The following DMD variants were observed in gnomAD, a reference collection of about 807,000 sequenced individuals.
DMD encodes dystrophin, also known as mutant dystrophin.
DMD carries 63 observed loss-of-function variants against 330.1 expected under a neutral mutation model. The observed-to-expected ratio is 0.19, with a 90% CI of 0.16 to 0.24. The LOEUF is 0.24. Ranked by LOEUF, DMD falls within the 10% of genes least tolerant of loss-of-function variation. The probability of loss-of-function intolerance (pLI) is 1.00; values close to 1 mark genes in which losing one functional copy is unlikely to be tolerated. For missense variants in DMD, 3,344 were observed against 2,684.1 expected (o/e 1.25, Z -5.43); for synonymous variants, 1,223 against 959.8 (o/e 1.27, Z -5.07).
At chrX:32,672,028 A>G (rs780799371) in intron 9 of DMD, among the ~76,000 whole-genome samples, 4 of 111,662 alleles carry the variant, frequency 3.6e-5, no homozygotes, top group Admixed American at 1.9e-4. Context: ...CACATTCTGA[A>G]AGCCAATTTG....
intron 2 of DMD, among the ~76,000 whole-genome samples, chrX:32,855,461 A>C (rs2149049123): frequency 8.9e-6 from 1 of 112,206 alleles, no homozygotes; most frequent in Admixed American, 9.4e-5. Flanking sequence ...ATGGCATAAA[A>C]ACAGACACAT....
chrX:31,282,687 G>A (rs1355408549), intron 62 of DMD, among the ~76,000 whole-genome samples: 1 of 111,559 alleles, frequency 9.0e-6, no homozygotes, highest in Non-Finnish European at 1.9e-5. Flanking sequence ...ACAATCAAAG[G>A]AATTTTGTGT....
intron 77 of DMD, among the ~76,000 whole-genome samples, chrX:31,128,914 T>C (rs1430066126): frequency 8.9e-6 from 1 of 112,544 alleles, no homozygotes; most frequent in East Asian, 2.8e-4. Flanking sequence ...GGCTACTTGA[T>C]TACAACATTT....
At chrX:32,646,119 G>A (rs1046042141) in intron 9 of DMD, among the ~76,000 whole-genome samples, 2 of 111,610 alleles carry the variant, frequency 1.8e-5, no homozygotes, top group Non-Finnish European at 3.8e-5. Context: ...TAATAGAGAC[G>A]GGGTAGTTTA....
chrX:32,874,167 G>A (rs943224990), intron 2 of DMD, among the ~76,000 whole-genome samples: 16 of 111,951 alleles, frequency 1.4e-4, no homozygotes, highest in Non-Finnish European at 3.8e-5. Context: ...AAAGTGTTTG[G>A]CACTTTCACA....
chrX:31,850,873 C>A (rs1265629242), intron 48 of DMD, among the ~76,000 whole-genome samples: 6 of 112,398 alleles, frequency 5.3e-5, no homozygotes, highest in Non-Finnish European at 9.4e-5. Context: ...GACAAAAAAA[C>A]CAAAGTAAGC....
Position 31,318,360 on chromosome X carries a change from G to A in DMD, c.9224+5238C>T, listed in dbSNP as rs754794106. On this transcript the variant is annotated intron_variant, in intron 62 of 78. Coordinates refer to ENST00000357033, the MANE Select transcript of DMD (RefSeq NM_004006.3). Reference sequence around the variant, plus strand: ...AGAGAGTCAAATACTCGTACAAATAGAGCTATAGGAATGGTAGGCCATAAG... The same window carrying A: ...AGAGAGTCAAATACTCGTACAAATAAAGCTATAGGAATGGTAGGCCATAAG... Among the ~76,000 whole-genome samples, 5 of 112,273 alleles carry A rather than the reference G, an allele frequency of 4.5e-5. No individual in the cohort carries two copies. The South Asian group carries it at 1.1e-3, about 25-fold the overall frequency.
At chrX:32,844,414 AAAAAAAAG>A (rs59606667) in intron 4 of DMD, among the ~76,000 whole-genome samples, 24,125 of 94,135 alleles carry the variant, frequency 0.26, 4,043 homozygotes, top group African/African-American at 0.53. Context: ...CTCAAAAAAA[AAAAAAAAG>A]AAAAGAAAAG....
At chrX:32,359,243 T>A (rs1487653463) in intron 37 of DMD, among the ~76,000 whole-genome samples, 2 of 111,899 alleles carry the variant, frequency 1.8e-5, no homozygotes, top group Non-Finnish European at 3.8e-5. Flanking sequence ...TCATGAACAG[T>A]CCTGGCAGGA....
chrX:32,190,841 T>C (rs1442585313), intron 44 of DMD, among the ~76,000 whole-genome samples: 1 of 108,831 alleles, frequency 9.2e-6, no homozygotes, highest in Non-Finnish European at 1.9e-5. Context: ...GCACCTGAAG[T>C]ATAGAGTTAG....
chrX:32,925,399 A>G (rs2088910677), intron 2 of DMD, among the ~76,000 whole-genome samples: 1 of 110,484 alleles, frequency 9.1e-6, no homozygotes, highest in Admixed American at 9.8e-5. Context: ...TTTAAAGAAT[A>G]GAACCCCTGA....
chrX:32,047,409 GAGA>G (rs1259911272), intron 44 of DMD, among the ~76,000 whole-genome samples: 1 of 111,851 alleles, frequency 8.9e-6, no homozygotes, highest in East Asian at 2.8e-4. Context: ...TATTAGAGAT[GAGA>G]AGATTTAGTT....
chrX:32,524,361 T>G (rs1407435320), intron 17 of DMD, among the ~76,000 whole-genome samples: 1 of 112,289 alleles, frequency 8.9e-6, no homozygotes. Flanking sequence ...AAGTGCTTAC[T>G]ATGTGCCAGA....
intron 44 of DMD, among the ~76,000 whole-genome samples, chrX:31,987,722 C>G (rs543959820): frequency 4.5e-5 from 5 of 111,462 alleles, no homozygotes; most frequent in African/African-American, 1.3e-4. Flanking sequence ...AAAAGGGAAC[C>G]CTTATGCACT....
At chrX:32,402,637 A>G (rs1186102705) in intron 30 of DMD, among the ~76,000 whole-genome samples, 1 of 111,620 alleles carries the variant, frequency 9.0e-6, no homozygotes, top group Non-Finnish European at 1.9e-5. Context: ...ATAATCCTTA[A>G]AAACTAGGTA....
At chrX:32,004,704 C>T (rs977509304) in intron 44 of DMD, among the ~76,000 whole-genome samples, 56 of 111,208 alleles carry the variant, frequency 5.0e-4, no homozygotes, top group African/African-American at 1.8e-3. Context: ...GTTCTCTGAT[C>T]CCAGTTTTAT....
rs1447187861 is a variant in DMD, at chrX:32,697,810, G to A, written c.960+60C>T. 1.4e-5 allele frequency: 17 copies of A among 1,193,684 alleles called. No individual in the cohort carries two copies. The Admixed American group carries it at 3.5e-4, about 25-fold the overall frequency. On this transcript the variant is annotated intron_variant, in intron 9 of 78. Transcript: ENST00000357033. ...AAAAATTCAAGCAAGTAAAAGCAGT[G>A]TTAGATTATCTTGGAAGCAGTTCTC...
At chrX:32,154,685 G>A (rs926660594) in intron 44 of DMD, among the ~76,000 whole-genome samples, 4 of 111,190 alleles carry the variant, frequency 3.6e-5, no homozygotes, top group African/African-American at 1.3e-4. Context: ...AAAGTTTCAT[G>A]GTACTCACAC....
chrX:31,817,439 A>C (rs2092660118), intron 50 of DMD, among the ~76,000 whole-genome samples: 1 of 111,714 alleles, frequency 9.0e-6, no homozygotes, highest in Non-Finnish European at 1.9e-5. Context: ...TTTTAATAAA[A>C]GCAGCTCTGA....
Sources: gnomAD v4.1 joint callset for allele counts (sites outside exome capture counted in the v4.1 genomes callset) on GRCh38, gnomAD v4.1.1 for gene constraint, MANE v1.5 for transcripts, NCBI Gene and HGNC (gene_info 2026-07-23, HGNC 2026-07-21) for gene names.